The following CHD4 variants were observed in gnomAD, a reference collection of about 807,000 sequenced individuals.
The protein encoded by CHD4 is ATP-dependent chromatin remodeler CHD4.
Under a neutral mutation model 235.5 loss-of-function variants are expected in CHD4, and 35 were observed. The ratio of observed to expected loss-of-function variants is 0.15; its 90% CI spans 0.11 to 0.20. CHD4 has a LOEUF of 0.20. CHD4 is among the 10% of genes least tolerant of loss of function. The probability of loss-of-function intolerance (pLI) is 1.00; values close to 1 mark genes in which losing one functional copy is unlikely to be tolerated. For synonymous variants in CHD4, 900 were observed against 850.2 expected, an observed-to-expected ratio of 1.06 and a Z score of -1.02; for missense variants, 1,329 against 2,432.3, an observed-to-expected ratio of 0.55 and a Z score of 9.54.
At chr12:6,599,711 T>A in intron 10 of CHD4, 62 bp downstream of exon 10, 1 of 1,604,172 alleles carries the variant, frequency 6.2e-7, no homozygotes. Context: ...AGCCTCACAA[T>A]AGCCTACATA....
chr12:6,601,808 G>A (rs1370012701), intron 4 of CHD4, 42 bp from the exon 5 acceptor site: 1 of 1,572,660 alleles, frequency 6.4e-7, no homozygotes, highest in Non-Finnish European at 8.8e-7. Context: ...GCCACCTAGT[G>A]CCCACACTTG....
chr12:6,596,289 C>G, intron 12 of CHD4, 152 bp from the exon 13 acceptor site: 1 of 843,586 alleles, frequency 1.2e-6, no homozygotes, highest in Non-Finnish European at 1.8e-6. Flanking sequence ...CAGTCTCTGA[C>G]CAAAAATTAT....
At chr12:6,576,781 A>G (rs1239659339) in intron 37 of CHD4, among the ~76,000 whole-genome samples, 9 of 152,074 alleles carry the variant, frequency 5.9e-5, no homozygotes, top group Non-Finnish European at 8.8e-5. Context: ...ATTTGATTAC[A>G]CATGTGCTCC....
At chr12:6,571,271 T>C in intron 38 of CHD4, 1 of 467,286 alleles carries the variant, frequency 2.1e-6, no homozygotes, top group Non-Finnish European at 3.8e-6. Context: ...ACTATTATTG[T>C]ATTTCCTCTT....
At chr12:6,580,781 G>C (rs1948170917) in intron 33 of CHD4, 3 of 401,202 alleles carry the variant, frequency 7.5e-6, no homozygotes, top group Non-Finnish European at 1.3e-5. Context: ...GGCAAAAGCA[G>C]GTGGATCATG....
chr12:6,582,083 G>A (rs1316131141), intron 30 of CHD4, 54 bp downstream of exon 30: 1 of 1,502,042 alleles, frequency 6.7e-7, no homozygotes, highest in Non-Finnish European at 8.9e-7. Context: ...GATTACAGGT[G>A]TGAGCCACTG....
chr12:6,588,343 T>C lies in CHD4; in HGVS notation c.3420A>G (p.Thr1140=). 6.2e-7 allele frequency: 1 copy of C among 1,614,186 alleles called. No individual in the cohort carries two copies. The highest frequency in any genetic ancestry group is 8.5e-7 in the Non-Finnish European group (1 of 1,180,032). Residue 1140 remains threonine, a synonymous_variant, in exon 23 of 40, where the codon ACA becomes ACG. Transcript: ENST00000544040. ...GLGINLATAD[T]VIIYDSDWNP... is the part of the protein sequence containing the mutation. ...TCCAGTCAGAGTCATAGATAATAAC[T>C]GTGTCAGCAGTGGCCAGATTGATTC...
chr12:6,599,564 G>A (rs890440843), intron 10 of CHD4, among the ~76,000 whole-genome samples: 1 of 152,154 alleles, frequency 6.6e-6, no homozygotes, highest in African/African-American at 2.4e-5. Context: ...CTCCTCTTAA[G>A]AGAGCTGGCA....
rs754322262 is a variant in CHD4, at chr12:6,595,119, ACCT to A, written c.2121+212_2121+214del. ...ACACTTCTTCAATCATTCAAAATATACCTCCTTTTTTTTTTTCTGATGACAAAA... is the reference window on the plus strand; with the variant it reads ...ACACTTCTTCAATCATTCAAAATATACCTTTTTTTTTTTCTGATGACAAAA... On this transcript the variant is annotated intron_variant, in intron 14 of 39. Coordinates refer to ENST00000544040, the MANE Select transcript of CHD4 (RefSeq NM_001273.5). 6.7e-5 allele frequency among the ~76,000 whole-genome samples: 10 copies of A among 150,018 alleles called. No homozygotes were observed. The East Asian group carries it at 7.8e-4, about 12-fold the overall frequency.
At chr12:6,601,915 G>A (rs753167868) in intron 4 of CHD4, 45 bp downstream of exon 4, 1 of 1,601,736 alleles carries the variant, frequency 6.2e-7, no homozygotes, top group Non-Finnish European at 8.5e-7. Context: ...GAAACAAAAA[G>A]ACAAAAGTTT....
intron 12 of CHD4, 29 bp from the exon 13 acceptor site, chr12:6,596,166 A>G (rs981548198): frequency 8.7e-6 from 14 of 1,609,974 alleles, no homozygotes; most frequent in Non-Finnish European, 1.2e-5. Flanking sequence ...AAACCCTCAG[A>G]GCCAGAAAAG....
Position 6,595,326 on chromosome 12 carries a change from C to A in CHD4, c.2121+8G>T, listed in dbSNP as rs767352912. On this transcript the variant is annotated splice_region_variant and intron_variant, in intron 14 of 39. Coordinates refer to ENST00000544040, the MANE Select transcript of CHD4 (RefSeq NM_001273.5). ...CAACAAACTACAGTCCCTTCCACCC[C>A]CACTCACATCAACTGTTGGCGTTTC... The A allele has an allele frequency of 1.2e-6, 2 of 1,612,232 alleles. No individual in the cohort carries two copies. Among genetic ancestry groups the A allele is most frequent in the Admixed American group, 1.7e-5 (1 of 60,000 alleles).
chr12:6,601,851 CA>C, intron 4 of CHD4, 85 bp from the exon 5 acceptor site: 1 of 1,562,354 alleles, frequency 6.4e-7, no homozygotes, highest in South Asian at 1.1e-5. Flanking sequence ...ATCAGAGTAA[CA>C]GAGTTAAGAG....
rs1947943440 is a variant in CHD4, at chr12:6,570,439, C to G, written c.*237G>C. On this transcript the variant is annotated 3_prime_UTR_variant, in exon 40 of 40. Coordinates refer to ENST00000544040, the MANE Select transcript of CHD4 (RefSeq NM_001273.5). ...GGGGAGAAGCCAGGGTCCAGAAGGCCAGCCCGCCAGCTCCTGCAGATGGCG... is the reference window on the plus strand; with the variant it reads ...GGGGAGAAGCCAGGGTCCAGAAGGCGAGCCCGCCAGCTCCTGCAGATGGCG... 2 of 567,742 alleles carry G rather than the reference C, an allele frequency of 3.5e-6. No homozygotes were observed. The highest frequency in any genetic ancestry group is 6.2e-6 in the Non-Finnish European group (2 of 320,104). The allele number at this position is 567,742 out of a possible 1,614,324, so 35.2% of individuals were successfully genotyped here. A position where few individuals can be genotyped will look rare whatever the true frequency, so the allele number is the denominator to read the frequency against.
chr12:6,604,207 G>A (rs749831340), intron 2 of CHD4, among the ~76,000 whole-genome samples: 16 of 152,078 alleles, frequency 1.1e-4, no homozygotes, highest in African/African-American at 2.7e-4. Flanking sequence ...CCCGGGAGGC[G>A]GAGGTTGCAG....
At chr12:6,570,794 G>C (rs1947951911) in intron 39 of CHD4, 75 bp downstream of exon 39, 3 of 1,610,726 alleles carry the variant, frequency 1.9e-6, no homozygotes, top group South Asian at 2.2e-5. Flanking sequence ...TGTAAAGCTA[G>C]GGACATACAG....
chr12:6,599,202 GAGC>G (rs1433240618), intron 10 of CHD4, among the ~76,000 whole-genome samples: 1 of 152,158 alleles, frequency 6.6e-6, no homozygotes, highest in Non-Finnish European at 1.5e-5. Context: ...GAGGACAAGG[GAGC>G]AGAATGGTTT....
chr12:6,596,762 T>C (rs1948504886), intron 12 of CHD4, among the ~76,000 whole-genome samples: 2 of 151,520 alleles, frequency 1.3e-5, no homozygotes, highest in South Asian at 4.2e-4. Context: ...ATTGCGCCAC[T>C]GCACTCCAGC....
At chr12:6,598,463 C>G (rs7310535) in intron 10 of CHD4, 38 bp from the exon 11 acceptor site, 14 of 1,508,778 alleles carry the variant, frequency 9.3e-6, no homozygotes, top group Non-Finnish European at 1.2e-5. Context: ...CAAATCATAA[C>G]CATGGGAGGA....
Sources: gnomAD v4.1 joint callset for allele counts (sites outside exome capture counted in the v4.1 genomes callset) on GRCh38, gnomAD v4.1.1 for gene constraint, MANE v1.5 for transcripts, NCBI Gene and HGNC (gene_info 2026-07-23, HGNC 2026-07-21) for gene names.